Variants in SYCP2L observed in about 807,000 individuals in gnomAD.
The protein encoded by SYCP2L is synaptonemal complex protein 2-like.
In SYCP2L, 98 loss-of-function variants were observed where a neutral mutation model predicts 125.8. That is an observed-to-expected ratio of 0.78 (90% CI 0.66 to 0.92). SYCP2L has a LOEUF of 0.92. Ranked by LOEUF, SYCP2L falls within the 40% of genes least tolerant of loss-of-function variation. SYCP2L has a pLI of 0.00. For synonymous variants in SYCP2L, 317 were observed against 325.4 expected (o/e 0.97, Z 0.28); for missense variants, 842 against 936.4 (o/e 0.90, Z 1.32).
intron 23 of SYCP2L, among the ~76,000 whole-genome samples, chr6:10,944,115 A>G (rs1026976139): frequency 2.0e-5 from 3 of 152,224 alleles, no homozygotes; most frequent in East Asian, 1.9e-4. Context: ...ACAATTTTAC[A>G]TATGCCAAAC....
chr6:10,948,644 C>T (rs1458991496), intron 23 of SYCP2L, among the ~76,000 whole-genome samples: 2 of 152,062 alleles, frequency 1.3e-5, no homozygotes. Context: ...AGCTTTACAT[C>T]TACACTCATG....
chr6:10,926,713 A>C (rs939115227), intron 16 of SYCP2L, among the ~76,000 whole-genome samples: 2 of 151,934 alleles, frequency 1.3e-5, no homozygotes, highest in Non-Finnish European at 2.9e-5. Flanking sequence ...TCGGCCCTGC[A>C]CTAGACCGTG....
chr6:10,930,307 T>C (rs1780968019), intron 18 of SYCP2L, 63 bp from the exon 19 acceptor site: 2 of 1,521,620 alleles, frequency 1.3e-6, no homozygotes, highest in Non-Finnish European at 1.8e-6. Context: ...AGAATATGTT[T>C]AGTTATACAT....
At chr6:10,942,889 G>A (rs1443599162) in intron 23 of SYCP2L, 143 bp downstream of exon 23, 7 of 735,122 alleles carry the variant, frequency 9.5e-6, no homozygotes, top group Non-Finnish European at 1.5e-5. Flanking sequence ...AGCAGTGTGA[G>A]CTGCTTACTA....
intron 28 of SYCP2L, among the ~76,000 whole-genome samples, chr6:10,962,801 G>A (rs1190618191): frequency 6.6e-6 from 1 of 152,140 alleles, no homozygotes; most frequent in Non-Finnish European, 1.5e-5. Context: ...CTGGATTCTC[G>A]TATCTGTTTC....
chr6:10,897,971 A>G (rs1253170100), intron 4 of SYCP2L, 40 bp from the exon 5 acceptor site: 3 of 1,278,860 alleles, frequency 2.3e-6, no homozygotes, highest in Admixed American at 3.4e-5. Flanking sequence ...AATAGGCAGC[A>G]TTTAGTCTTA....
At chr6:10,952,907 A>G (rs983996919) in intron 23 of SYCP2L, among the ~76,000 whole-genome samples, 12 of 152,238 alleles carry the variant, frequency 7.9e-5, no homozygotes, top group African/African-American at 2.7e-4. Context: ...CAATGAGAAG[A>G]AAAGAGGTAC....
chr6:10,960,951 G>C (rs1240923007), intron 26 of SYCP2L, among the ~76,000 whole-genome samples: 1 of 152,098 alleles, frequency 6.6e-6, no homozygotes, highest in African/African-American at 2.4e-5. Flanking sequence ...GGTGGCACGC[G>C]CCTGTAGTCC....
chr6:10,891,629 G>C (rs375203370), intron 2 of SYCP2L, 48 bp downstream of exon 2: 15 of 410,542 alleles, frequency 3.7e-5, no homozygotes, highest in African/African-American at 2.7e-4. Flanking sequence ...GTGTGTGTGT[G>C]TGTGTGTGTG....
At position 10,932,622 on chromosome 6, in the gene SYCP2L, C is replaced by T. The variant is rs80020020; in HGVS notation, c.1683+1133C>T. On this transcript the variant is annotated intron_variant, in intron 20 of 29. Coordinates refer to ENST00000283141, the MANE Select transcript of SYCP2L (RefSeq NM_001040274.3). ...GAGAGGGGTGGGTTAAACCTATGAG[C>T]CAGAGTAAGTATTTATTCATTGAAT... 8.7e-3 allele frequency among the ~76,000 whole-genome samples: 1,322 copies of T among 152,128 alleles called. 29 individuals carry two copies. Among genetic ancestry groups the T allele is most frequent in the African/African-American group, 0.03 (1,259 of 41,450 alleles).
intron 18 of SYCP2L, among the ~76,000 whole-genome samples, chr6:10,929,474 G>T (rs57409288): frequency 0.25 from 37,867 of 151,992 alleles, 5,196 homozygotes; most frequent in East Asian, 0.44. Context: ...GCACAAACAT[G>T]TATTCATCAC....
chr6:10,922,310 G>A (rs912649455), intron 14 of SYCP2L, among the ~76,000 whole-genome samples: 4 of 152,112 alleles, frequency 2.6e-5, no homozygotes, highest in African/African-American at 7.2e-5. Context: ...TGATTGTCTA[G>A]TAAATTCCGT....
chr6:10,910,174 A>G lies in SYCP2L; in HGVS notation c.846A>G (p.Leu282=), dbSNP rs1489949817. The stretch of plus-strand genomic sequence containing the variant: ...ACAGTAGACGTTTTCTCAATCACCT[A>G]AACAACAGACTTGGTGACCAAAGAA... ...ETDSRRFLNH[L]NNRLGDQRRV... The change falls in exon 11 of 30, where the codon CTA becomes CTG. Residue 282 remains leucine (L), a synonymous_variant. Coordinates refer to ENST00000283141, the MANE Select transcript of SYCP2L (RefSeq NM_001040274.3). 1.9e-6 allele frequency: 3 copies of G among 1,613,842 alleles called. No homozygotes were observed. The highest frequency in any genetic ancestry group is 2.2e-5 in the East Asian group (1 of 44,858).
At chr6:10,906,953 A>G (rs929113590) in intron 9 of SYCP2L, among the ~76,000 whole-genome samples, 3 of 151,828 alleles carry the variant, frequency 2.0e-5, no homozygotes, top group Admixed American at 1.3e-4. Context: ...GTATTTTAAT[A>G]TATTTAAAAT....
In SYCP2L at chr6:10,961,571, G is replaced by A. The variant is rs947990514; in HGVS notation, c.2414+13G>A. 1.2e-6 allele frequency: 2 copies of A among 1,613,526 alleles called. No homozygotes were observed. The highest frequency in any genetic ancestry group is 1.7e-6 in the Non-Finnish European group (2 of 1,179,556). ...TGCAAGTGCTGAGGTACTTTGAAAG[G>A]TGTTCTTTCTAGAAGAATCTTGGTT... On this transcript the variant is annotated intron_variant, in intron 28 of 29. Coordinates refer to ENST00000283141, the MANE Select transcript of SYCP2L (RefSeq NM_001040274.3).
In SYCP2L at chr6:10,912,673, A is replaced by T; in HGVS notation, c.919A>T (p.Met307Leu). The stretch of plus-strand genomic sequence containing the variant: ...GTCATGCTGAAATGATCTCTTACAG[A>T]TGAGAAAACCAGCGGATGAAAAATT... ...CIAAFADEHE[M>L]RKPADEKLEK... The change falls in exon 13 of 30, where the codon ATG (methionine) becomes TTG (leucine). Residue 307 changes from methionine to leucine, a missense_variant and splice_region_variant. Met to Leu is a conservative substitution (Grantham distance 15). Coordinates refer to ENST00000283141, the MANE Select transcript of SYCP2L (RefSeq NM_001040274.3). This position sits in a 1 kb window ranked among gnomAD's most constrained non-coding sequence, Gnocchi z 4.1. 2 of 1,611,122 alleles carry T rather than the reference A, an allele frequency of 1.2e-6. No individual in the cohort carries two copies. The highest frequency in any genetic ancestry group is 2.2e-5 in the South Asian group (2 of 90,970).
chr6:10,891,436 T>TTA, intron 1 of SYCP2L, 77 bp from the exon 2 acceptor site: 1 of 814,366 alleles, frequency 1.2e-6, no homozygotes, highest in South Asian at 2.0e-5. Flanking sequence ...TTTTTTTTTT[T>TTA]TTGCTTTGTG....
chr6:10,907,588 G>C lies in SYCP2L; in HGVS notation c.723G>C (p.Thr241=). Residue 241 remains threonine (T), a synonymous_variant, in exon 10 of 30, where the codon ACG becomes ACC. Coordinates refer to ENST00000283141, the MANE Select transcript of SYCP2L (RefSeq NM_001040274.3). The part of the protein sequence containing the change: ...VAISEALCRL[T]IKKSRDELVH... ...TTTCTGAAGCGCTGTGTAGACTGAC[G>C]ATTAAAAAATCAAGGGATGAACTTG... The C allele has an allele frequency of 6.2e-7, 1 of 1,613,786 alleles. No individual in the cohort carries two copies. Among genetic ancestry groups the C allele is most frequent in the Non-Finnish European group, 8.5e-7 (1 of 1,179,850 alleles).
intron 8 of SYCP2L, among the ~76,000 whole-genome samples, chr6:10,903,811 T>A: frequency 6.7e-6 from 1 of 150,046 alleles, no homozygotes; most frequent in South Asian, 2.1e-4. Context: ...TTTTTCCTTT[T>A]TAATAATTAT....
Sources: gnomAD v4.1 joint callset for allele counts (sites outside exome capture counted in the v4.1 genomes callset) on GRCh38, gnomAD v4.1.1 for gene constraint, Gnocchi (gnomAD v3.1) non-coding constraint, MANE v1.5 for transcripts, NCBI Gene and HGNC (gene_info 2026-07-23, HGNC 2026-07-21) for gene names.